The following ANK2 variants were observed in gnomAD, a reference collection of about 807,000 sequenced individuals.
ANK2 encodes the protein ankyrin 2, also known as ankyrin-2.
A neutral mutation model predicts 360.5 loss-of-function variants in ANK2; 83 were observed. The ratio of observed to expected loss-of-function variants is 0.23; its 90% CI spans 0.19 to 0.28. The LOEUF (loss-of-function observed/expected upper bound fraction) is 0.28. Among genes scored for constraint, ANK2 ranks in the 10% least tolerant of loss-of-function variants. The probability of loss-of-function intolerance (pLI) is 1.00; values close to 1 mark genes in which losing one functional copy is unlikely to be tolerated. For synonymous variants in ANK2, 1,740 were observed against 1,759.5 expected (o/e 0.99, Z 0.28); for missense variants, 4,201 against 4,795.7 (o/e 0.88, Z 3.66).
At chr4:113,320,771 A>G (rs1048225517) in intron 26 of ANK2, among the ~76,000 whole-genome samples, 22 of 152,210 alleles carry the variant, frequency 1.4e-4, no homozygotes, top group African/African-American at 4.8e-4. Flanking sequence ...GTTGTTTTAT[A>G]TATAAACTGT....
intron 2 of ANK2, among the ~76,000 whole-genome samples, chr4:112,965,149 C>A (rs2036704348): frequency 6.6e-6 from 1 of 152,138 alleles, no homozygotes; most frequent in Admixed American, 6.6e-5. Context: ...TTCTCCACAT[C>A]CTTGCTAGCG....
At chr4:113,119,502 A>C (rs1301373470) in intron 1 of ANK2, among the ~76,000 whole-genome samples, 2 of 151,974 alleles carry the variant, frequency 1.3e-5, no homozygotes, top group Non-Finnish European at 2.9e-5. Flanking sequence ...ACATACCTTC[A>C]TGATAGTTCA....
At chr4:112,861,009 A>C (rs1190480156) in intron 1 of ANK2, among the ~76,000 whole-genome samples, 1 of 152,236 alleles carries the variant, frequency 6.6e-6, no homozygotes, top group African/African-American at 2.4e-5. Context: ...GTGGGTGAAC[A>C]TGAAAGCCAT....
intron 2 of ANK2, among the ~76,000 whole-genome samples, chr4:112,969,968 C>G (rs1223321312): frequency 6.6e-6 from 1 of 152,010 alleles, no homozygotes; most frequent in African/African-American, 2.4e-5. Flanking sequence ...TACTGTTAAT[C>G]TAGAGACATA....
chr4:112,996,032 A>G (rs558615860), intron 2 of ANK2, among the ~76,000 whole-genome samples: 1 of 152,248 alleles, frequency 6.6e-6, no homozygotes, highest in Non-Finnish European at 1.5e-5. Flanking sequence ...GCAGATACTT[A>G]TAGCAACTTT....
At chr4:113,149,843 C>T (rs1026645507) in intron 1 of ANK2, among the ~76,000 whole-genome samples, 26 of 125,212 alleles carry the variant, frequency 2.1e-4, no homozygotes, top group African/African-American at 6.9e-4. Context: ...TACCACTGCA[C>T]TCCAGCTTGC....
At chr4:113,191,484 T>C (rs1390575954) in intron 2 of ANK2, among the ~76,000 whole-genome samples, 1 of 152,166 alleles carries the variant, frequency 6.6e-6, no homozygotes, top group Non-Finnish European at 1.5e-5. Flanking sequence ...TTATTGTAAT[T>C]CAAAATACTT....
chr4:113,366,904 A>C (rs2096559184), intron 41 of ANK2, among the ~76,000 whole-genome samples: 2 of 152,272 alleles, frequency 1.3e-5, no homozygotes, highest in African/African-American at 4.8e-5. Context: ...AGCACTTATT[A>C]CATAGTTGGT....
intron 32 of ANK2, 38 bp downstream of exon 32, chr4:113,339,360 G>A (rs759075215): frequency 6.5e-7 from 1 of 1,539,974 alleles, no homozygotes; most frequent in Non-Finnish European, 9.0e-7. Context: ...ACTATGATAT[G>A]TTACCCTCCA....
At chr4:113,286,075 A>G (rs957440416) in intron 18 of ANK2, among the ~76,000 whole-genome samples, 1 of 152,236 alleles carries the variant, frequency 6.6e-6, no homozygotes, top group African/African-American at 2.4e-5. Flanking sequence ...AATAGAGCAG[A>G]AAAAAGCACA....
intron 2 of ANK2, among the ~76,000 whole-genome samples, chr4:113,042,109 G>A (rs1029566187): frequency 2.6e-5 from 4 of 152,166 alleles, no homozygotes; most frequent in Non-Finnish European, 5.9e-5. Flanking sequence ...CACCCTCACC[G>A]ATGTGGGCTA....
At chr4:113,345,644 A>G (rs963523687) in intron 34 of ANK2, among the ~76,000 whole-genome samples, 2 of 152,214 alleles carry the variant, frequency 1.3e-5, no homozygotes, top group African/African-American at 2.4e-5. Flanking sequence ...CAATGTATAC[A>G]TATATCAAAT....
chr4:113,318,423 C>A, intron 25 of ANK2, 94 bp from the exon 26 acceptor site: 1 of 1,008,958 alleles, frequency 9.9e-7, no homozygotes, highest in Non-Finnish European at 1.5e-6. Flanking sequence ...CTAGGTTATA[C>A]CACTTTCCAG....
chr4:113,306,328 G>C (rs1294611824), intron 23 of ANK2, among the ~76,000 whole-genome samples: 1 of 152,162 alleles, frequency 6.6e-6, no homozygotes, highest in Non-Finnish European at 1.5e-5. Flanking sequence ...ATAAGGAACA[G>C]TATGGGAAAG....
chr4:113,346,494 G>T (rs148596260), intron 35 of ANK2, among the ~76,000 whole-genome samples: 187 of 152,068 alleles, frequency 1.2e-3, no homozygotes, highest in Non-Finnish European at 2.2e-3. Flanking sequence ...ATTCAGAACT[G>T]CCCCGTGATA....
intron 10 of ANK2, among the ~76,000 whole-genome samples, chr4:113,254,208 C>T (rs2153619281): frequency 6.6e-6 from 1 of 152,226 alleles, no homozygotes; most frequent in South Asian, 2.1e-4. Context: ...CCATTGATGG[C>T]CATCCAATAT....
chr4:113,015,508 T>A (rs1012897368), intron 2 of ANK2, among the ~76,000 whole-genome samples: 2 of 152,230 alleles, frequency 1.3e-5, no homozygotes, highest in African/African-American at 4.8e-5. Context: ...AGTGTTATGA[T>A]TTAATATGTT....
chr4:113,253,638 C>T (rs1469402724), intron 10 of ANK2, among the ~76,000 whole-genome samples: 1 of 152,102 alleles, frequency 6.6e-6, no homozygotes, highest in African/African-American at 2.4e-5. Context: ...TCACTTTCCA[C>T]ATTCTGTCAC....
intron 21 of ANK2, 108 bp downstream of exon 21, chr4:113,292,622 G>GC: frequency 8.3e-7 from 1 of 1,208,086 alleles, no homozygotes; most frequent in Non-Finnish European, 1.2e-6. Context: ...CTTTAAATAA[G>GC]CCCCCTGGAC....
Sources: gnomAD v4.1 joint callset for allele counts (sites outside exome capture counted in the v4.1 genomes callset) on GRCh38, gnomAD v4.1.1 for gene constraint, MANE v1.5 for transcripts, NCBI Gene and HGNC (gene_info 2026-07-23, HGNC 2026-07-21) for gene names.